The following ADK variants were observed in gnomAD, a reference collection of about 807,000 sequenced individuals.
The protein encoded by ADK is N6,N6-dimethyladenosine kinase.
ADK carries 24 observed loss-of-function variants against 44.7 expected under a neutral mutation model. The observed-to-expected ratio is 0.54, with a 90% confidence interval of 0.39 to 0.76. ADK has a LOEUF of 0.76. Among genes scored for constraint, ADK ranks in the 30% least tolerant of loss-of-function variants. The probability of loss-of-function intolerance (pLI) is 0.00; values close to 1 mark genes in which losing one functional copy is unlikely to be tolerated. For synonymous variants in ADK, 128 were observed against 142.6 expected (o/e 0.90, Z 0.73); for missense variants, 321 against 425.1 (o/e 0.76, Z 2.15).
At chr10:74,561,756 G>A (rs1170096407) in intron 7 of ADK, among the ~76,000 whole-genome samples, 1 of 152,166 alleles carries the variant, frequency 6.6e-6, no homozygotes, top group Non-Finnish European at 1.5e-5. Context: ...ATGGAAGTAT[G>A]GAGGCTGGCT....
At chr10:74,193,513 G>A (rs1843022034) in intron 1 of ADK, among the ~76,000 whole-genome samples, 1 of 152,038 alleles carries the variant, frequency 6.6e-6, no homozygotes, top group Non-Finnish European at 1.5e-5. Context: ...TGCTAGGCAT[G>A]CTGGCTCATG....
At chr10:74,702,466 G>A (rs892414012) in intron 10 of ADK, among the ~76,000 whole-genome samples, 4 of 150,976 alleles carry the variant, frequency 2.6e-5, no homozygotes, top group Non-Finnish European at 4.4e-5. Context: ...ACAGGCAGGA[G>A]CCACCATGGC....
intron 3 of ADK, among the ~76,000 whole-genome samples, chr10:74,268,126 C>A (rs570675832): frequency 6.6e-6 from 1 of 151,956 alleles, no homozygotes; most frequent in East Asian, 1.9e-4. Flanking sequence ...AGTTTGAGAC[C>A]GCTCTGGGCA....
chr10:74,220,143 A>C lies in ADK; in HGVS notation c.141-4395A>C, dbSNP rs868752114. ...ACTAGCAAGACTAATAAAGAAAAAA[A>C]GAAAGAAGAATCAAATAGACGCAAT... On this transcript the variant is annotated intron_variant, in intron 2 of 10. Transcript: ENST00000539909. Among the ~76,000 whole-genome samples, 1,016 of 152,268 alleles carry C rather than the reference A, an allele frequency of 6.7e-3. 7 individuals are homozygous for C. The highest frequency in any genetic ancestry group is 0.015 in the African/African-American group (640 of 41,554).
chr10:74,248,184 CT>C (rs1845501694), intron 3 of ADK, among the ~76,000 whole-genome samples: 1 of 152,058 alleles, frequency 6.6e-6, no homozygotes, highest in Non-Finnish European at 1.5e-5. Context: ...GTGATTTTTG[CT>C]CAATAAAGGA....
intron 9 of ADK, among the ~76,000 whole-genome samples, chr10:74,636,685 A>G (rs1029322523): frequency 6.6e-6 from 1 of 152,220 alleles, no homozygotes; most frequent in Non-Finnish European, 1.5e-5. Flanking sequence ...AATTTGTTGT[A>G]ATAAGAACTA....
At chr10:74,568,926 C>A (rs1229956223) in intron 7 of ADK, among the ~76,000 whole-genome samples, 2 of 146,438 alleles carry the variant, frequency 1.4e-5, no homozygotes, top group Admixed American at 6.8e-5. Flanking sequence ...TCCCTCCCCC[C>A]TCCCCCAACC....
intron 4 of ADK, among the ~76,000 whole-genome samples, chr10:74,345,085 G>C (rs1408845029): frequency 6.6e-6 from 1 of 152,202 alleles, no homozygotes; most frequent in East Asian, 1.9e-4. Flanking sequence ...TTCAGGGCTA[G>C]GCTTTTCTTT....
intron 2 of ADK, among the ~76,000 whole-genome samples, chr10:74,214,040 T>G (rs905098682): frequency 6.6e-6 from 1 of 152,244 alleles, no homozygotes; most frequent in Non-Finnish European, 1.5e-5. Context: ...GTATTTAGGT[T>G]TAAATCTAGT....
chr10:74,571,981 T>G (rs1850984835), intron 7 of ADK, among the ~76,000 whole-genome samples: 1 of 152,228 alleles, frequency 6.6e-6, no homozygotes, highest in Non-Finnish European at 1.5e-5. Context: ...TGTCTTTTAA[T>G]TGGAGCATTT....
chr10:74,223,288 C>T (rs777948746), intron 2 of ADK, among the ~76,000 whole-genome samples: 5 of 152,082 alleles, frequency 3.3e-5, no homozygotes, highest in Non-Finnish European at 7.4e-5. Context: ...CAGCTCCCCT[C>T]CCATGATAAC....
At chr10:74,256,829 C>G (rs894641876) in intron 3 of ADK, among the ~76,000 whole-genome samples, 5 of 152,118 alleles carry the variant, frequency 3.3e-5, no homozygotes, top group African/African-American at 1.2e-4. Flanking sequence ...TTTATTGATG[C>G]AACCATATAT....
chr10:74,430,952 G>T (rs1195070866), intron 6 of ADK, among the ~76,000 whole-genome samples: 2 of 151,130 alleles, frequency 1.3e-5, no homozygotes, highest in Non-Finnish European at 2.9e-5. Context: ...ATAGATGGTG[G>T]TTGGGCAAGT....
chr10:74,640,608 C>T (rs576877841), intron 9 of ADK, among the ~76,000 whole-genome samples: 6 of 152,322 alleles, frequency 3.9e-5, no homozygotes, highest in African/African-American at 1.4e-4. Context: ...AATCAGGAAT[C>T]GGCAAACTTT....
intron 4 of ADK, among the ~76,000 whole-genome samples, chr10:74,378,741 G>T (rs997327694): frequency 7.2e-5 from 11 of 152,066 alleles, no homozygotes; most frequent in Admixed American, 5.9e-4. Context: ...ATGGGTTTCT[G>T]GGGGAAATCC....
At chr10:74,364,176 A>G (rs1295459860) in intron 4 of ADK, among the ~76,000 whole-genome samples, 2 of 152,136 alleles carry the variant, frequency 1.3e-5, no homozygotes, top group East Asian at 1.9e-4. Flanking sequence ...CTTTCCTTCT[A>G]TATTTAAAAC....
chr10:74,588,965 C>T (rs1323209819), intron 7 of ADK, among the ~76,000 whole-genome samples: 2 of 152,170 alleles, frequency 1.3e-5, no homozygotes, highest in Non-Finnish European at 2.9e-5. Flanking sequence ...AAAACACAAC[C>T]ACCAGCATAT....
chr10:74,581,865 G>A (rs567201558), intron 7 of ADK, among the ~76,000 whole-genome samples: 5 of 152,112 alleles, frequency 3.3e-5, no homozygotes, highest in Admixed American at 1.3e-4. Context: ...TTTTTCAGAC[G>A]TATAAAACCT....
chr10:74,333,968 C>A (rs1841321958), intron 4 of ADK, among the ~76,000 whole-genome samples: 1 of 151,674 alleles, frequency 6.6e-6, no homozygotes, highest in African/African-American at 2.4e-5. Context: ...ATTTATTTTT[C>A]AAAAAATACT....
Sources: gnomAD v4.1 joint callset for allele counts (sites outside exome capture counted in the v4.1 genomes callset) on GRCh38, gnomAD v4.1.1 for gene constraint, MANE v1.5 for transcripts, NCBI Gene and HGNC (gene_info 2026-07-23, HGNC 2026-07-21) for gene names.